Variants in MYO3A observed in about 807,000 individuals in gnomAD.
MYO3A encodes myosin IIIA.
In MYO3A, 180 loss-of-function variants were observed where a neutral mutation model predicts 192.7. That is an observed-to-expected ratio of 0.93 (90% CI 0.83 to 1.06). The LOEUF (loss-of-function observed/expected upper bound fraction) is 1.06, where lower values mean the gene tolerates loss of function less well. Among genes scored for constraint, MYO3A ranks in the 50% least tolerant of loss-of-function variants. The pLI is 0.00. For synonymous variants in MYO3A, 628 were observed against 645.3 expected (o/e 0.97, Z 0.41); for missense variants, 1,896 against 1,905.0 (o/e 1.00, Z 0.09).
At chr10:26,116,363 T>C (rs1419953778) in intron 17 of MYO3A, among the ~76,000 whole-genome samples, 1 of 152,230 alleles carries the variant, frequency 6.6e-6, no homozygotes, top group African/African-American at 2.4e-5. Flanking sequence ...CCTGGTGTTC[T>C]CCTTGTGTGT....
At chr10:26,192,655 C>CTTT (rs35651453) in intron 31 of MYO3A, among the ~76,000 whole-genome samples, 30 of 130,908 alleles carry the variant, frequency 2.3e-4, no homozygotes, top group African/African-American at 6.1e-4. Flanking sequence ...CCTTTCTTTC[C>CTTT]TTTTTTTTTT....
At chr10:26,200,293 TAAG>T (rs1231412813) in intron 32 of MYO3A, among the ~76,000 whole-genome samples, 2 of 152,228 alleles carry the variant, frequency 1.3e-5, no homozygotes, top group Non-Finnish European at 2.9e-5. Context: ...ACTGTGTCTC[TAAG>T]AATACTGGGG....
chr10:26,097,266 G>A (rs1488928436), intron 17 of MYO3A, among the ~76,000 whole-genome samples: 2 of 151,926 alleles, frequency 1.3e-5, no homozygotes, highest in African/African-American at 2.4e-5. Flanking sequence ...ACATACAAGG[G>A]ATCATATAAT....
intron 17 of MYO3A, among the ~76,000 whole-genome samples, chr10:26,116,329 C>T (rs1179212755): frequency 1.3e-5 from 2 of 152,170 alleles, no homozygotes; most frequent in Non-Finnish European, 2.9e-5. Context: ...TCCATCACCC[C>T]ATCTCCACCT....
At chr10:26,125,338 T>G in intron 18 of MYO3A, 60 bp from the exon 19 acceptor site, 2 of 1,486,640 alleles carry the variant, frequency 1.3e-6, no homozygotes, top group Non-Finnish European at 1.9e-6. Flanking sequence ...ACATTTTCAT[T>G]TTTGGGGAGT....
chr10:26,000,937 A>G (rs1403560469), intron 6 of MYO3A, among the ~76,000 whole-genome samples: 2 of 152,162 alleles, frequency 1.3e-5, no homozygotes, highest in Non-Finnish European at 2.9e-5. Flanking sequence ...GGCAAAGGCA[A>G]AGCTGGCACA....
Position 26,174,237 on chromosome 10 carries a change from C to G in MYO3A, c.3973C>G (p.Arg1325Gly). 1 of 1,613,986 alleles carries G rather than the reference C, an allele frequency of 6.2e-7. No homozygotes were observed. The highest frequency in any genetic ancestry group is 8.5e-7 in the Non-Finnish European group (1 of 1,179,926). Residue 1325 changes from arginine to glycine, a missense_variant, in exon 30 of 35, where the codon CGT becomes GGT. By Grantham distance (125) the Arg-to-Gly change is moderately radical. Coordinates refer to ENST00000642920, the MANE Select transcript of MYO3A (RefSeq NM_017433.5). ...PICSQEEGRG[R>G]LRHETVKERQ... ...ATGCAGCCAGGAGGAAGGCAGAGGCCGTCTGAGGCATGAGACAGTCAAAGA... is the reference window on the plus strand; with the variant it reads ...ATGCAGCCAGGAGGAAGGCAGAGGCGGTCTGAGGCATGAGACAGTCAAAGA...
chr10:26,178,410 G>A (rs575935197), intron 31 of MYO3A, among the ~76,000 whole-genome samples: 5 of 152,066 alleles, frequency 3.3e-5, no homozygotes, highest in South Asian at 2.1e-4. Context: ...AAATTAGCTG[G>A]GCCTGGTGGC....
At chr10:26,163,154 A>ATCCTTC (rs1841562924) in intron 26 of MYO3A, among the ~76,000 whole-genome samples, 1 of 152,192 alleles carries the variant, frequency 6.6e-6, no homozygotes, top group Non-Finnish European at 1.5e-5. Flanking sequence ...GGGAGCTTGC[A>ATCCTTC]TGGTAGTCAT....
intron 10 of MYO3A, among the ~76,000 whole-genome samples, chr10:26,054,459 T>C (rs1844195927): frequency 6.6e-6 from 1 of 152,192 alleles, no homozygotes; most frequent in Non-Finnish European, 1.5e-5. Context: ...CTGCCAATAT[T>C]TCTGTATTCT....
chr10:26,106,990 T>G (rs1447537631), intron 17 of MYO3A, among the ~76,000 whole-genome samples: 1 of 152,166 alleles, frequency 6.6e-6, no homozygotes, highest in Admixed American at 6.5e-5. Context: ...TTTTCTTTTT[T>G]TCTTTGGCCT....
chr10:26,211,961 T>C lies in MYO3A; in HGVS notation c.4849T>C (p.Ter1617GlnextTer106), dbSNP rs141985215. 2.9e-5 allele frequency: 46 copies of C among 1,612,024 alleles called. No homozygotes were observed. The highest frequency in any genetic ancestry group is 6.7e-5 in the Admixed American group (4 of 59,948). Residue 1617 changes from the stop codon to glutamine, a stop_lost, in exon 35 of 35, where the codon TAA becomes CAA. Transcript: ENST00000642920. ...SQRRRLVQQS* is the reference protein window; with the variant it reads ...SQRRRLVQQSQ ...GCGCCGGCGCCTCGTCCAGCAGTCCTAACCGTTCAACGAGGCAGTCACCGC... is the reference window on the plus strand; with the variant it reads ...GCGCCGGCGCCTCGTCCAGCAGTCCCAACCGTTCAACGAGGCAGTCACCGC...
intron 4 of MYO3A, among the ~76,000 whole-genome samples, chr10:25,960,727 G>C (rs1242028371): frequency 2.0e-5 from 3 of 152,094 alleles, no homozygotes; most frequent in Admixed American, 1.3e-4. Flanking sequence ...AAAAGGAGAG[G>C]ATGATCTTGC....
intron 10 of MYO3A, among the ~76,000 whole-genome samples, chr10:26,062,759 T>C (rs1471695194): frequency 6.6e-6 from 1 of 152,000 alleles, no homozygotes; most frequent in East Asian, 1.9e-4. Context: ...AAGCTTCTGA[T>C]GGCATGATAC....
intron 10 of MYO3A, among the ~76,000 whole-genome samples, chr10:26,046,365 C>G (rs1843637855): frequency 6.6e-6 from 1 of 152,206 alleles, no homozygotes; most frequent in Admixed American, 6.5e-5. Flanking sequence ...CTACACACAT[C>G]TGGCCACAGA....
At position 26,104,865 on chromosome 10, in the gene MYO3A, A is replaced by G. The variant is rs547043601; in HGVS notation, c.1776+8183A>G. ...CCTAGTCCCAGAGTCTTGTTTATAGATACACACACACACACACACACACAC... is the reference window on the plus strand; with the variant it reads ...CCTAGTCCCAGAGTCTTGTTTATAGGTACACACACACACACACACACACAC... On this transcript the variant is annotated intron_variant, in intron 17 of 34. Coordinates refer to ENST00000642920, the MANE Select transcript of MYO3A (RefSeq NM_017433.5). 3.7e-3 allele frequency among the ~76,000 whole-genome samples: 377 copies of G among 102,796 alleles called. 2 individuals carry two copies. Among genetic ancestry groups the G allele is most frequent in the African/African-American group, 0.012 (357 of 30,876 alleles). The allele number at this position is 102,796 out of a possible 152,430, so 67.4% of individuals were successfully genotyped here.
intron 27 of MYO3A, among the ~76,000 whole-genome samples, chr10:26,167,534 G>T (rs1297929570): frequency 6.6e-6 from 1 of 152,170 alleles, no homozygotes; most frequent in Admixed American, 6.5e-5. Context: ...TGCAGTTATA[G>T]TTCTGCATGA....
At chr10:26,166,031 T>G in intron 26 of MYO3A, 36 bp from the exon 27 acceptor site, 1 of 1,550,408 alleles carries the variant, frequency 6.4e-7, no homozygotes, top group Admixed American at 1.7e-5. Context: ...GTTGGCACTT[T>G]ATGCAATACT....
chr10:26,062,488 G>A (rs1834548613), intron 10 of MYO3A, among the ~76,000 whole-genome samples: 1 of 95,536 alleles, frequency 1.0e-5, no homozygotes, highest in South Asian at 4.0e-4. Flanking sequence ...CTGCACTCTG[G>A]CCTGGCGACA....
Sources: gnomAD v4.1 joint callset for allele counts (sites outside exome capture counted in the v4.1 genomes callset) on GRCh38, gnomAD v4.1.1 for gene constraint, MANE v1.5 for transcripts, NCBI Gene and HGNC (gene_info 2026-07-23, HGNC 2026-07-21) for gene names.